The following IQCK variants were observed in gnomAD, a reference collection of about 807,000 sequenced individuals.
The protein encoded by IQCK is IQ motif containing K.
IQCK carries 29 observed loss-of-function variants against 28.1 expected under a neutral mutation model. The observed-to-expected ratio is 1.03, with a 90% CI of 0.77 to 1.41. IQCK has a LOEUF of 1.41. Ranked by LOEUF, IQCK falls within the 40% of genes most tolerant of loss-of-function variation. The pLI is 0.00. For missense variants in IQCK, 359 were observed against 314.7 expected, an observed-to-expected ratio of 1.14 and a Z score of -1.07; for synonymous variants, 113 against 115.1, an observed-to-expected ratio of 0.98 and a Z score of 0.12.
chr16:19,786,737 G>T (rs1040977236), intron 6 of IQCK, among the ~76,000 whole-genome samples: 2 of 133,504 alleles, frequency 1.5e-5, no homozygotes, highest in African/African-American at 7.1e-5. Context: ...AGAAGGGAAA[G>T]AACGGAAAGA....
chr16:19,778,351 C>T (rs1235671877), intron 6 of IQCK, among the ~76,000 whole-genome samples: 1 of 152,000 alleles, frequency 6.6e-6, no homozygotes, highest in Non-Finnish European at 1.5e-5. Context: ...GGGGTCTGCA[C>T]TAACTGTGGG....
chr16:19,745,872 C>T (rs2054904189), intron 4 of IQCK, among the ~76,000 whole-genome samples: 1 of 152,166 alleles, frequency 6.6e-6, no homozygotes. Context: ...GGTTCTCCTT[C>T]ATGTGGCCTC....
At chr16:19,728,725 G>A (rs935113766) in intron 1 of IQCK, among the ~76,000 whole-genome samples, 2 of 152,148 alleles carry the variant, frequency 1.3e-5, no homozygotes, top group African/African-American at 4.8e-5. Context: ...ATAAATTTGT[G>A]TTCCTTTATG....
intron 6 of IQCK, among the ~76,000 whole-genome samples, chr16:19,777,591 T>C (rs532593891): frequency 1.3e-5 from 2 of 152,268 alleles, no homozygotes; most frequent in South Asian, 2.1e-4. Flanking sequence ...CATCTTCAAA[T>C]AGAGGGAGGA....
At chr16:19,841,900 C>G (rs1425986020) in intron 9 of IQCK, among the ~76,000 whole-genome samples, 1 of 149,488 alleles carries the variant, frequency 6.7e-6, no homozygotes, top group Non-Finnish European at 1.5e-5. Context: ...AGCTGGAGTT[C>G]AGTGGTGCGA....
chr16:19,740,981 AAAG>A, intron 4 of IQCK, among the ~76,000 whole-genome samples: 1 of 151,554 alleles, frequency 6.6e-6, no homozygotes, highest in Middle Eastern at 3.4e-3. Flanking sequence ...AAAAAAAAAA[AAAG>A]AATATCTACA....
chr16:19,750,892 C>T (rs1247297820), intron 4 of IQCK, among the ~76,000 whole-genome samples: 4 of 152,038 alleles, frequency 2.6e-5, no homozygotes, highest in Admixed American at 6.6e-5. Flanking sequence ...GGACAGTCTG[C>T]GAGGAAGAGG....
chr16:19,776,025 C>T (rs563014230), intron 6 of IQCK, among the ~76,000 whole-genome samples: 26 of 151,912 alleles, frequency 1.7e-4, no homozygotes, highest in African/African-American at 6.3e-4. Context: ...GGGCTATAGG[C>T]ACCCAACACC....
At chr16:19,731,453 GT>G (rs1977834576) in intron 2 of IQCK, among the ~76,000 whole-genome samples, 4 of 152,158 alleles carry the variant, frequency 2.6e-5, no homozygotes, top group African/African-American at 9.7e-5. Context: ...TTCTGTGATT[GT>G]TCCTTTTCTC....
chr16:19,765,429 T>G (rs948065302), intron 6 of IQCK, among the ~76,000 whole-genome samples: 1 of 151,754 alleles, frequency 6.6e-6, no homozygotes, highest in Non-Finnish European at 1.5e-5. Flanking sequence ...TCCCAGCTAC[T>G]CAGGAGGCTG....
chr16:19,740,776 C>G (rs926122142), intron 4 of IQCK, among the ~76,000 whole-genome samples: 2 of 151,880 alleles, frequency 1.3e-5, no homozygotes, highest in Non-Finnish European at 2.9e-5. Flanking sequence ...TGAGACCAGC[C>G]TGGCCAACAT....
intron 1 of IQCK, among the ~76,000 whole-genome samples, chr16:19,724,112 C>T (rs1012770244): frequency 1.3e-5 from 2 of 152,140 alleles, no homozygotes; most frequent in Non-Finnish European, 2.9e-5. Context: ...ACTATTCCTC[C>T]AGTGCACCAT....
chr16:19,770,402 G>T (rs1246315857), intron 6 of IQCK, among the ~76,000 whole-genome samples: 2 of 152,150 alleles, frequency 1.3e-5, no homozygotes, highest in African/African-American at 4.8e-5. Flanking sequence ...ATACTGTTCA[G>T]GAGGTCCAGA....
chr16:19,820,458 G>A (rs1467562874), intron 7 of IQCK, among the ~76,000 whole-genome samples: 1 of 152,054 alleles, frequency 6.6e-6, no homozygotes, highest in Admixed American at 6.6e-5. Flanking sequence ...GACCATCCTG[G>A]CTAACATGGT....
chr16:19,836,582 C>G (rs562945694), intron 9 of IQCK, among the ~76,000 whole-genome samples: 1 of 152,256 alleles, frequency 6.6e-6, no homozygotes, highest in South Asian at 2.1e-4. Flanking sequence ...GATGTGATCT[C>G]GGCTCACTGC....
At chr16:19,853,982 C>T (rs1194502874) in intron 9 of IQCK, among the ~76,000 whole-genome samples, 1 of 152,236 alleles carries the variant, frequency 6.6e-6, no homozygotes, top group Non-Finnish European at 1.5e-5. Flanking sequence ...AGGCAGCCAG[C>T]ATGATGTTAA....
intron 4 of IQCK, chr16:19,736,125 C>T (rs1319705025): frequency 3.7e-5 from 17 of 455,862 alleles, no homozygotes; most frequent in Non-Finnish European, 6.2e-5. Context: ...GATTGTTCCC[C>T]CTGGCATCTC....
chr16:19,835,480 A>C (rs1403637948), intron 9 of IQCK, among the ~76,000 whole-genome samples: 2 of 152,138 alleles, frequency 1.3e-5, no homozygotes, highest in Non-Finnish European at 1.5e-5. Flanking sequence ...TTGTAAAACC[A>C]ATTCCTATGA....
At chr16:19,820,799 A>G (rs1316641230) in intron 7 of IQCK, among the ~76,000 whole-genome samples, 2 of 152,326 alleles carry the variant, frequency 1.3e-5, no homozygotes, top group South Asian at 2.1e-4. Flanking sequence ...TGTCCAAAAC[A>G]TATAATAAAC....
Sources: allele counts gnomAD v4.1 joint callset (sites outside exome capture counted in the v4.1 genomes callset), GRCh38; gene constraint gnomAD v4.1.1; transcripts MANE v1.5; gene names NCBI Gene and HGNC (gene_info 2026-07-23, HGNC 2026-07-21).